RGS6: variants seen among roughly 807,000 people sequenced by gnomAD.
RGS6 encodes the protein regulator of G-protein signaling 6.
In RGS6, 30 loss-of-function variants were observed where a neutral mutation model predicts 78.5. The observed-to-expected ratio is 0.38, with a 90% confidence interval of 0.29 to 0.52. RGS6 has a LOEUF of 0.52. Among genes scored for constraint, RGS6 ranks in the 20% least tolerant of loss-of-function variants. The pLI is 0.85. For synonymous variants in RGS6, 206 were observed against 206.0 expected (o/e 1.00, Z 0.00); for missense variants, 495 against 609.7 (o/e 0.81, Z 1.98).
At chr14:72,411,030 T>G (rs1207717455) in intron 3 of RGS6, among the ~76,000 whole-genome samples, 3 of 152,242 alleles carry the variant, frequency 2.0e-5, no homozygotes, top group African/African-American at 7.2e-5. Flanking sequence ...TCTTTTGGCT[T>G]AGGATTGACT....
At chr14:72,376,865 A>AC (rs1423815380) in intron 3 of RGS6, among the ~76,000 whole-genome samples, 3 of 152,146 alleles carry the variant, frequency 2.0e-5, no homozygotes, top group African/African-American at 7.2e-5. Flanking sequence ...AAAGACAATA[A>AC]CCACTGTCAT....
chr14:72,345,405 C>T (rs1438787798), intron 2 of RGS6, among the ~76,000 whole-genome samples: 2 of 152,166 alleles, frequency 1.3e-5, no homozygotes, highest in African/African-American at 4.8e-5. Flanking sequence ...CAAACATAGG[C>T]TTAGCCGAAA....
At chr14:72,127,610 A>G (rs531814938) in intron 2 of RGS6, among the ~76,000 whole-genome samples, 13 of 152,286 alleles carry the variant, frequency 8.5e-5, no homozygotes, top group African/African-American at 3.1e-4. Context: ...CAGGGCTTAA[A>G]AAAAACCATT....
chr14:72,590,385 A>C, the RGS6 span, among the ~76,000 whole-genome samples: 1 of 152,382 alleles, frequency 6.6e-6, no homozygotes, highest in South Asian at 2.1e-4. Context: ...GCAACAACCC[A>C]AATGTTCACC....
At chr14:72,472,743 G>A in intron 8 of RGS6, 129 bp from the exon 9 acceptor site, 1 of 668,814 alleles carries the variant, frequency 1.5e-6, no homozygotes. Context: ...CAGAGAGCAG[G>A]CACCATGCAG....
At chr14:72,184,567 C>T (rs1361941936) in intron 2 of RGS6, among the ~76,000 whole-genome samples, 3 of 152,136 alleles carry the variant, frequency 2.0e-5, no homozygotes, top group Non-Finnish European at 4.4e-5. Context: ...TAAACTATGA[C>T]TGTTTTTAAA....
At chr14:71,882,310 G>A in the RGS6 span, among the ~76,000 whole-genome samples, 1 of 152,148 alleles carries the variant, frequency 6.6e-6, no homozygotes, top group Non-Finnish European at 1.5e-5. Context: ...ATATTCCATT[G>A]TATGTGTATA....
intron 3 of RGS6, among the ~76,000 whole-genome samples, chr14:72,383,810 G>A (rs1045353087): frequency 2.6e-5 from 4 of 152,116 alleles, no homozygotes; most frequent in Admixed American, 6.5e-5. Context: ...GGTGGGGGGG[G>A]ACGGTAGAGA....
intron 15 of RGS6, among the ~76,000 whole-genome samples, chr14:72,523,206 C>A (rs979084882): frequency 6.6e-6 from 1 of 152,134 alleles, no homozygotes; most frequent in African/African-American, 2.4e-5. Context: ...ACCACACTGT[C>A]CCTGGATTGT....
intron 2 of RGS6, among the ~76,000 whole-genome samples, chr14:72,190,066 T>G (rs1016717158): frequency 2.6e-5 from 4 of 152,166 alleles, no homozygotes; most frequent in African/African-American, 9.7e-5. Flanking sequence ...TCTTTATCCC[T>G]CTTTGCCAGC....
chr14:72,497,804 TAACTC>T (rs1337280851), intron 13 of RGS6, among the ~76,000 whole-genome samples: 1 of 152,150 alleles, frequency 6.6e-6, no homozygotes, highest in Non-Finnish European at 1.5e-5. Context: ...GTCAAGAACT[TAACTC>T]TTTCTTTAAC....
chr14:71,960,930 C>G (rs1444994276), intron 1 of RGS6, among the ~76,000 whole-genome samples: 2 of 152,242 alleles, frequency 1.3e-5, no homozygotes, highest in Admixed American at 1.3e-4. Flanking sequence ...GTGAACACAT[C>G]TGTTATTCCT....
chr14:72,408,471 A>G (rs917852036), intron 3 of RGS6, among the ~76,000 whole-genome samples: 2 of 152,214 alleles, frequency 1.3e-5, no homozygotes, highest in Non-Finnish European at 2.9e-5. Context: ...CTAAAATCAC[A>G]TCACTTGACT....
intron 2 of RGS6, among the ~76,000 whole-genome samples, chr14:72,282,251 C>T (rs559542441): frequency 6.6e-6 from 1 of 152,300 alleles, no homozygotes; most frequent in South Asian, 2.1e-4. Flanking sequence ...ATCAAATATA[C>T]TTGACCTTCA....
chr14:72,403,267 G>T (rs1166326804), intron 3 of RGS6, among the ~76,000 whole-genome samples: 2 of 152,222 alleles, frequency 1.3e-5, no homozygotes, highest in Non-Finnish European at 2.9e-5. Flanking sequence ...ATACTATTCA[G>T]CCATTTAAAA....
chr14:71,942,659 G>C (rs992684839), intron 1 of RGS6, among the ~76,000 whole-genome samples: 1 of 152,194 alleles, frequency 6.6e-6, no homozygotes, highest in Non-Finnish European at 1.5e-5. Flanking sequence ...CATTGAATGT[G>C]TATATTTGAT....
intron 7 of RGS6, among the ~76,000 whole-genome samples, chr14:72,469,126 G>A (rs1348475333): frequency 2.0e-5 from 3 of 151,822 alleles, no homozygotes; most frequent in African/African-American, 7.3e-5. Context: ...TTTCTCTAAC[G>A]GCAGCCCTCA....
chr14:72,195,527 G>C (rs538094563), intron 2 of RGS6, among the ~76,000 whole-genome samples: 1 of 152,294 alleles, frequency 6.6e-6, no homozygotes, highest in South Asian at 2.1e-4. Context: ...GTAGAGAGAA[G>C]AAAAGAGGAA....
intron 13 of RGS6, among the ~76,000 whole-genome samples, chr14:72,498,423 T>C (rs2096673422): frequency 6.6e-6 from 1 of 152,198 alleles, no homozygotes; most frequent in Non-Finnish European, 1.5e-5. Flanking sequence ...TTTTTATAAA[T>C]GAAGGTCTTA....
Sources: allele counts gnomAD v4.1 joint callset (sites outside exome capture counted in the v4.1 genomes callset), GRCh38; gene constraint gnomAD v4.1.1; transcripts MANE v1.5; gene names NCBI Gene and HGNC (gene_info 2026-07-23, HGNC 2026-07-21).